The following LRRTM4 variants were observed in gnomAD, a reference collection of about 807,000 sequenced individuals.
The protein encoded by LRRTM4 is leucine rich repeat transmembrane neuronal 4.
A neutral mutation model predicts 47.6 loss-of-function variants in LRRTM4; 25 were observed. The observed-to-expected ratio is 0.53, with a 90% CI of 0.38 to 0.73. LRRTM4 has a LOEUF of 0.73. LRRTM4 is among the 30% of genes least tolerant of loss of function. LRRTM4 has a pLI of 0.00. For missense variants in LRRTM4, 638 were observed against 713.4 expected (o/e 0.89, Z 1.20); for synonymous variants, 311 against 269.5 (o/e 1.15, Z -1.51).
intron 3 of LRRTM4, among the ~76,000 whole-genome samples, chr2:76,840,868 G>A (rs980568521): frequency 9.2e-5 from 14 of 151,946 alleles, no homozygotes; most frequent in South Asian, 2.1e-4. Context: ...TCAGTGTGGC[G>A]ATTCCTCAGG....
At chr2:77,098,587 A>C (rs867131468) in intron 3 of LRRTM4, among the ~76,000 whole-genome samples, 13 of 152,170 alleles carry the variant, frequency 8.5e-5, no homozygotes, top group Middle Eastern at 3.4e-3. Flanking sequence ...CCTCTTGCTA[A>C]GGAAATATTG....
At chr2:77,430,486 C>A (rs763726921) in intron 3 of LRRTM4, among the ~76,000 whole-genome samples, 6 of 152,000 alleles carry the variant, frequency 3.9e-5, no homozygotes, top group Non-Finnish European at 7.4e-5. Context: ...TTTTGGAAGG[C>A]CGAGGCGGGA....
chr2:77,026,497 T>A (rs185020398), intron 3 of LRRTM4, among the ~76,000 whole-genome samples: 1 of 152,168 alleles, frequency 6.6e-6, no homozygotes, highest in African/African-American at 2.4e-5. Flanking sequence ...AATAAGTGAG[T>A]TTTATTAACA....
chr2:76,793,858 G>C (rs937654011), intron 3 of LRRTM4, among the ~76,000 whole-genome samples: 1 of 152,134 alleles, frequency 6.6e-6, no homozygotes, highest in Non-Finnish European at 1.5e-5. Flanking sequence ...CTGTAAGAAG[G>C]TCACAAATAC....
chr2:77,102,686 G>T (rs1012422908), intron 3 of LRRTM4, among the ~76,000 whole-genome samples: 3 of 152,078 alleles, frequency 2.0e-5, no homozygotes, highest in Admixed American at 2.0e-4. Context: ...TGAAGAAAGG[G>T]CTATCAACAA....
intron 3 of LRRTM4, among the ~76,000 whole-genome samples, chr2:77,137,769 G>T (rs1350694825): frequency 6.6e-6 from 1 of 152,080 alleles, no homozygotes; most frequent in Non-Finnish European, 1.5e-5. Context: ...AAAATAAAGG[G>T]ATGGAGGAAG....
rs71381260 is a variant in LRRTM4, at chr2:77,111,283, A to ATTTTTT, written c.1552-362373_1552-362368dup. Among the ~76,000 whole-genome samples, 105 of 113,124 alleles carry ATTTTTT rather than the reference A, an allele frequency of 9.3e-4. No homozygotes were observed. In the East Asian group the frequency reaches 0.01, roughly 11 times the overall value. 74.2% of individuals were successfully genotyped at this position (113,124 alleles called of 152,430 possible). A position where few individuals can be genotyped will look rare whatever the true frequency, so the allele number is the denominator to read the frequency against. ...CAGGTGTGTGTCACCACACCTGGCTATTTTTTTTTTTTTTTTTTTGTATTT... is the reference window on the plus strand; with the variant it reads ...CAGGTGTGTGTCACCACACCTGGCTATTTTTTTTTTTTTTTTTTTTTTTTTGTATTT... On this transcript the variant is annotated intron_variant, in intron 3 of 3. Transcript: ENST00000409884.
intron 3 of LRRTM4, among the ~76,000 whole-genome samples, chr2:76,942,761 T>C (rs1205953158): frequency 6.6e-6 from 1 of 151,920 alleles, no homozygotes. Context: ...TGATATAATT[T>C]ACTTAACATT....
chr2:77,285,306 A>C (rs1676619479), intron 3 of LRRTM4, among the ~76,000 whole-genome samples: 1 of 138,070 alleles, frequency 7.2e-6, no homozygotes, highest in Admixed American at 7.6e-5. Context: ...AGTATAATTA[A>C]ATCTATGTAA....
intron 3 of LRRTM4, among the ~76,000 whole-genome samples, chr2:77,006,077 C>A (rs1169043069): frequency 6.6e-6 from 1 of 152,074 alleles, no homozygotes; most frequent in African/African-American, 2.4e-5. Flanking sequence ...TAAATCGAAA[C>A]CCCAAAATGA....
At chr2:77,020,851 C>G (rs1028218736) in intron 3 of LRRTM4, among the ~76,000 whole-genome samples, 11 of 152,168 alleles carry the variant, frequency 7.2e-5, no homozygotes, top group African/African-American at 2.7e-4. Flanking sequence ...AACCAAGGAT[C>G]ATTTTCTGTC....
intron 3 of LRRTM4, among the ~76,000 whole-genome samples, chr2:77,172,406 C>T (rs1474273529): frequency 6.6e-6 from 1 of 151,974 alleles, no homozygotes; most frequent in African/African-American, 2.4e-5. Flanking sequence ...ACTAGCCTGG[C>T]CAATATGGTG....
At chr2:77,368,568 G>A (rs181852182) in intron 3 of LRRTM4, among the ~76,000 whole-genome samples, 11 of 151,790 alleles carry the variant, frequency 7.2e-5, no homozygotes, top group Non-Finnish European at 1.2e-4. Flanking sequence ...AAGATTAGTC[G>A]TAGAGCATGG....
intron 3 of LRRTM4, among the ~76,000 whole-genome samples, chr2:76,938,227 C>T (rs62170334): frequency 6.6e-6 from 1 of 151,978 alleles, no homozygotes; most frequent in Admixed American, 6.6e-5. Context: ...AGAGAGACTC[C>T]AGAGATTAGA....
At position 77,049,364 on chromosome 2, in the gene LRRTM4, G is replaced by A. The variant is rs893052963; in HGVS notation, c.1552-300448C>T. Among the ~76,000 whole-genome samples, 91 of 151,090 alleles carry A rather than the reference G, an allele frequency of 6.0e-4. 1 individual carries two copies. Among genetic ancestry groups the A allele is most frequent in the Non-Finnish European group, 8.6e-4 (58 of 67,762 alleles). ...TGTTGGATCATTTGTAATTGTTTGA[G>A]GAACCTCCATACTGCTTTCTATAAT... On this transcript the variant is annotated intron_variant, in intron 3 of 3. Transcript: ENST00000409884.
chr2:77,119,324 A>G (rs1029896259), intron 3 of LRRTM4, among the ~76,000 whole-genome samples: 3 of 151,846 alleles, frequency 2.0e-5, no homozygotes, highest in Non-Finnish European at 4.4e-5. Context: ...TTAGTTTAAA[A>G]AGAGTGTTGA....
intron 3 of LRRTM4, among the ~76,000 whole-genome samples, chr2:77,096,186 G>A (rs1466347947): frequency 6.6e-6 from 1 of 151,520 alleles, no homozygotes; most frequent in East Asian, 1.9e-4. Context: ...TTTAAAGATA[G>A]TGACTAAAAA....
chr2:76,873,414 T>C (rs1156581029), intron 3 of LRRTM4, among the ~76,000 whole-genome samples: 4 of 150,160 alleles, frequency 2.7e-5, no homozygotes, highest in Non-Finnish European at 5.9e-5. Context: ...ATGTATATAA[T>C]GTGTGTATAT....
At chr2:76,995,965 C>T (rs556411481) in intron 3 of LRRTM4, among the ~76,000 whole-genome samples, 7 of 151,822 alleles carry the variant, frequency 4.6e-5, no homozygotes, top group Admixed American at 3.9e-4. Flanking sequence ...AATTAACTTA[C>T]GAAGGTATGC....
Sources: gnomAD v4.1 joint callset for allele counts (sites outside exome capture counted in the v4.1 genomes callset) on GRCh38, gnomAD v4.1.1 for gene constraint, MANE v1.5 for transcripts, NCBI Gene and HGNC (gene_info 2026-07-23, HGNC 2026-07-21) for gene names.